Variants in AANAT observed in about 807,000 individuals in gnomAD.
AANAT encodes aralkylamine N-acetyltransferase.
A neutral mutation model predicts 15.6 loss-of-function variants in AANAT; 11 were observed. The ratio of observed to expected loss-of-function variants is 0.71; its 90% CI spans 0.44 to 1.17. AANAT has a LOEUF of 1.17. Ranked by LOEUF, AANAT falls within the 50% of genes most tolerant of loss-of-function variation. The probability of loss-of-function intolerance (pLI) is 0.00; values close to 1 mark genes in which losing one functional copy is unlikely to be tolerated. For missense variants in AANAT, 286 were observed against 296.3 expected, an observed-to-expected ratio of 0.97 and a Z score of 0.26; for synonymous variants, 139 against 131.5, an observed-to-expected ratio of 1.06 and a Z score of -0.39.
intron 2 of AANAT, among the ~76,000 whole-genome samples, chr17:76,460,130 ATTTTTTTTTTTTTTTTT>A (rs556197358): frequency 0.42 from 37,202 of 88,276 alleles, 7,398 homozygotes; most frequent in Admixed American, 0.51. Context: ...ACTTCAGGAA[ATTTTTTTTTTTTTTTTT>A]TTTTTTTTTT....
At position 76,468,840 on chromosome 17, in the gene AANAT, C is replaced by A. The variant is rs749053391; in HGVS notation, c.94C>A (p.Leu32Ile). 19 of 1,613,504 alleles carry A rather than the reference C, an allele frequency of 1.2e-5. No homozygotes were observed. The highest frequency in any genetic ancestry group is 1.6e-5 in the Non-Finnish European group (19 of 1,180,032). The change falls in exon 2 of 4, where the codon CTC (leucine) becomes ATC (isoleucine). Residue 32 changes from leucine (L) to isoleucine (I), a missense_variant. Coordinates refer to ENST00000392492, the MANE Select transcript of AANAT (RefSeq NM_001088.3). Reference protein sequence around the residue: ...ESPSCQRRHTLPASEFRCLTP... With the variant: ...ESPSCQRRHTIPASEFRCLTP... Reference sequence around the variant, plus strand: ...CCCGAGCTGTCAGCGGCGCCACACACTCCCTGCCAGTGAGTTTCGCTGCCT... The same window carrying A: ...CCCGAGCTGTCAGCGGCGCCACACAATCCCTGCCAGTGAGTTTCGCTGCCT...
At chr17:76,463,546 T>A (rs2073409302), upstream of AANAT, among the ~76,000 whole-genome samples, 1 of 151,984 alleles carries the variant, frequency 6.6e-6, no homozygotes, top group Non-Finnish European at 1.5e-5. Context: ...GACCTCGAGC[T>A]ATCCACCCAC....
rs1051487029 is a variant in AANAT, at chr17:76,460,471, A to T, written c.-456+1105A>T. Among the ~76,000 whole-genome samples the T allele has an allele frequency of 2.0e-4, 31 of 151,264 alleles. 1 individual carries two copies. In the South Asian group the frequency reaches 3.6e-3, roughly 17 times the overall value. ...TTGGCCTGTTTTTTATTTTTTTATTAAAAAAAATAATAGAGAGAAGGTCTC... is the reference window on the plus strand; with the variant it reads ...TTGGCCTGTTTTTTATTTTTTTATTTAAAAAAATAATAGAGAGAAGGTCTC... On this transcript the variant is annotated intron_variant, in intron 2 of 6. Transcript: ENST00000250615.
chr17:76,464,798 TA>T (rs2073421384), upstream of AANAT, among the ~76,000 whole-genome samples: 1 of 108,528 alleles, frequency 9.2e-6, no homozygotes, highest in East Asian at 2.1e-4. Context: ...TGTATCTATA[TA>T]TTTTTTTTTT....
upstream of AANAT, chr17:76,466,290 G>C (rs1256732051): frequency 6.9e-7 from 1 of 1,440,644 alleles, no homozygotes; most frequent in African/African-American, 1.4e-5. Context: ...AGCCCAAGGA[G>C]GTCTCTGGTC....
At chr17:76,467,243 G>A (rs985793344), upstream of AANAT, among the ~76,000 whole-genome samples, 6 of 152,002 alleles carry the variant, frequency 3.9e-5, no homozygotes, top group African/African-American at 1.5e-4. Flanking sequence ...GAAGTAGAAC[G>A]TACTTAAAGT....
intron 1 of AANAT, among the ~76,000 whole-genome samples, chr17:76,457,658 C>T (rs1401888250): frequency 3.3e-5 from 5 of 152,140 alleles, no homozygotes; most frequent in Non-Finnish European, 5.9e-5. Context: ...TAGACTAAAC[C>T]CTTAAGCATG....
At chr17:76,459,353 G>A (rs2073366327) in exon 2 of AANAT, 1 of 152,254 alleles carries the variant, frequency 6.6e-6, no homozygotes, top group African/African-American at 2.4e-5. Flanking sequence ...CTTCCTGGAT[G>A]TGACCAGCCA....
chr17:76,454,471 C>A (rs1226565814), intron 1 of AANAT, among the ~76,000 whole-genome samples: 1 of 150,940 alleles, frequency 6.6e-6, no homozygotes, highest in African/African-American at 2.4e-5. Context: ...GGCAACAGAG[C>A]AAGACTCTGT....
intron 1 of AANAT, among the ~76,000 whole-genome samples, chr17:76,454,020 T>G (rs1481758504): frequency 1.3e-5 from 2 of 152,222 alleles, no homozygotes; most frequent in Non-Finnish European, 2.9e-5. Flanking sequence ...ATAGCAATAC[T>G]CATCTCATTG....
intron 2 of AANAT, among the ~76,000 whole-genome samples, chr17:76,460,728 T>C (rs1316074974): frequency 1.3e-5 from 2 of 152,136 alleles, no homozygotes; most frequent in African/African-American, 4.8e-5. Context: ...GTCCAGGAGG[T>C]GGCAATCCCT....
chr17:76,455,096 C>A (rs1367703943), intron 1 of AANAT, among the ~76,000 whole-genome samples: 1 of 152,058 alleles, frequency 6.6e-6, no homozygotes, highest in East Asian at 1.9e-4. Context: ...CGCTGCACTC[C>A]AGCCTGGGCG....
chr17:76,464,249 G>A (rs1012100942), upstream of AANAT, among the ~76,000 whole-genome samples: 87 of 152,082 alleles, frequency 5.7e-4, no homozygotes, highest in Admixed American at 2.4e-3. Flanking sequence ...GGCTAAGGCA[G>A]GAGAATTGCT....
At chr17:76,463,109 C>G (rs112832418), upstream of AANAT, among the ~76,000 whole-genome samples, 1 of 152,084 alleles carries the variant, frequency 6.6e-6, no homozygotes, top group Non-Finnish European at 1.5e-5. Flanking sequence ...CCAGGCTCTC[C>G]GGGGGTATCA....
intron 2 of AANAT, chr17:76,462,218 G>T (rs1429451279): frequency 6.6e-6 from 1 of 152,298 alleles, no homozygotes; most frequent in Non-Finnish European, 1.5e-5. Context: ...AGGAGAGTGG[G>T]GACTGGAATC....
intron 1 of AANAT, among the ~76,000 whole-genome samples, chr17:76,457,919 C>T (rs1171779436): frequency 1.3e-5 from 2 of 152,184 alleles, no homozygotes; most frequent in African/African-American, 4.8e-5. Flanking sequence ...GCCTGAAATC[C>T]CAGCTACTCA....
chr17:76,466,495 G>A (rs570909807), upstream of AANAT, among the ~76,000 whole-genome samples: 134 of 152,206 alleles, frequency 8.8e-4, no homozygotes, highest in African/African-American at 3.2e-3. Flanking sequence ...TTCCTCTGCG[G>A]GGGGGTCGAA....
upstream of AANAT, among the ~76,000 whole-genome samples, chr17:76,462,855 C>T (rs1283206204): frequency 6.6e-6 from 1 of 152,218 alleles, no homozygotes; most frequent in Non-Finnish European, 1.5e-5. Flanking sequence ...GCTTCCTGCA[C>T]GCCGGGCCTC....
chr17:76,465,503 T>C (rs2073428737), upstream of AANAT, among the ~76,000 whole-genome samples: 1 of 151,898 alleles, frequency 6.6e-6, no homozygotes, highest in Non-Finnish European at 1.5e-5. Flanking sequence ...GCTTGGCTGA[T>C]TTTTAAATTT....
Sources: allele counts gnomAD v4.1 joint callset (sites outside exome capture counted in the v4.1 genomes callset), GRCh38; gene constraint gnomAD v4.1.1; transcripts MANE v1.5; gene names NCBI Gene and HGNC (gene_info 2026-07-23, HGNC 2026-07-21).